Variants in ZBED1 observed in about 807,000 individuals in gnomAD.
ZBED1 encodes the protein E3 SUMO-protein ligase ZBED1.
A neutral mutation model predicts 49.7 loss-of-function variants in ZBED1; 19 were observed. That is an observed-to-expected ratio of 0.38 (90% CI 0.27 to 0.56). The LOEUF (loss-of-function observed/expected upper bound fraction) is 0.56, where lower values mean the gene tolerates loss of function less well. Ranked by LOEUF, ZBED1 falls within the 20% of genes least tolerant of loss-of-function variation. The pLI, the probability that ZBED1 is intolerant of heterozygous loss-of-function variation, is 0.70. For missense variants in ZBED1, 806 were observed against 972.6 expected (o/e 0.83, Z 2.28); for synonymous variants, 439 against 440.3 (o/e 1.00, Z 0.04).
At position 2,489,553 on chromosome X, in the gene ZBED1, G is replaced by A. The variant is rs1217591266; in HGVS notation, c.1167C>T (p.Ser389=). 1.2e-5 allele frequency: 19 copies of A among 1,612,614 alleles called. No individual in the cohort carries two copies. The highest frequency in any genetic ancestry group is 4.5e-5 in the East Asian group (2 of 44,870). The change falls in exon 2 of 2, where the codon AGC becomes AGT. Residue 389 remains serine (S), a synonymous_variant. Transcript: ENST00000652001. ...SNNHHLMLEA[S]EWATIEGLVE... ...CCAGCCCCTCGATGGTGGCCCACTC[G>A]CTGGCCTCCAGCATGAGGTGGTGGT... is the stretch of plus-strand genomic sequence containing the variant.
intron 1 of ZBED1, among the ~76,000 whole-genome samples, chrX:2,492,784 G>A (rs1349389202): frequency 6.6e-6 from 1 of 152,176 alleles, no homozygotes; most frequent in African/African-American, 2.4e-5. Context: ...CGGAGGGAGC[G>A]CAGCCCTGAG....
rs372806614 is a variant in ZBED1 at position 2,500,249 on chromosome X, G to A, written c.-54+568C>T. 408 of 157,036 alleles carry A rather than the reference G, an allele frequency of 2.6e-3. 1 individual carries two copies. The highest frequency in any genetic ancestry group is 8.5e-3 in the African/African-American group (354 of 41,880). The allele number at this position is 157,036 out of a possible 1,614,324, so 9.7% of individuals were successfully genotyped here. A position where few individuals can be genotyped will look rare whatever the true frequency, so the allele number is the denominator to read the frequency against. ...AGACCTCCGTGGCTCCCCAGTGCCC[G>A]AGAAGCCGCCTCTGGGCCCCCTCTG... On this transcript the variant is annotated intron_variant, in intron 1 of 1. Transcript: ENST00000652001.
intron 1 of ZBED1, 69 bp from the exon 2 acceptor site, chrX:2,490,841 A>T (rs2045118214): frequency 7.2e-7 from 1 of 1,390,876 alleles, no homozygotes; most frequent in African/African-American, 1.4e-5. Context: ...TGCCGGGGAG[A>T]CAGACAGGGT....
rs766625007 is a variant in ZBED1, at chrX:2,488,731, G to A, written c.1989C>T (p.Asp663=). The change falls in exon 2 of 2, where the codon GAC becomes GAT. Residue 663 remains aspartate, a synonymous_variant. Transcript: ENST00000652001. ...CCTGGTCCAGGCCCCACTCCCCCTC[G>A]TCCTGGTCCTCGGGTTCCGCCTCTG... ...SGAEAEPEDQ[D]EGEWGLDQEQ... is the part of the protein sequence containing the mutation. 2.8e-5 allele frequency: 45 copies of A among 1,613,850 alleles called. No individual in the cohort carries two copies. Among genetic ancestry groups the A allele is most frequent in the African/African-American group, 1.3e-4 (10 of 75,006 alleles).
rs996197135 is a variant in ZBED1, at chrX:2,486,570, G to C, written c.*2065C>G. On this transcript the variant is annotated 3_prime_UTR_variant, in exon 2 of 2. Transcript: ENST00000652001. ...ACAGTTCACATTTCCACGTGAGTGAGGAAAAGCGAAGGATTGTTAGAGACG... is the reference window on the plus strand; with the variant it reads ...ACAGTTCACATTTCCACGTGAGTGACGAAAAGCGAAGGATTGTTAGAGACG... 5.3e-5 allele frequency: 8 copies of C among 152,196 alleles called. No individual in the cohort carries two copies. Among genetic ancestry groups the C allele is most frequent in the African/African-American group, 1.7e-4 (7 of 41,442 alleles). 9.4% of individuals were successfully genotyped at this position (152,196 alleles called of 1,614,324 possible).
chrX:2,493,386 T>C (rs5983121), intron 1 of ZBED1, among the ~76,000 whole-genome samples: 25,076 of 151,922 alleles, frequency 0.17, 2,682 homozygotes, highest in East Asian at 0.5. Context: ...AGGTTTACAT[T>C]CCATTATTAT....
At chrX:2,500,484 C>A (rs1248055907) in intron 1 of ZBED1, 1 of 156,382 alleles carries the variant, frequency 6.4e-6, no homozygotes. Context: ...TGTCAGGGTG[C>A]GCGGGGGGGC....
rs141003567 is a variant in ZBED1 at position 2,489,671 on chromosome X, C to T, written c.1049G>A (p.Arg350His). 2.5e-5 allele frequency: 40 copies of T among 1,612,300 alleles called. No individual in the cohort carries two copies. Among genetic ancestry groups the T allele is most frequent in the Non-Finnish European group, 3.3e-5 (39 of 1,179,756 alleles). Residue 350 changes from arginine to histidine, a missense_variant, in exon 2 of 2, where the codon CGC becomes CAC. Physicochemically the swap from Arg to His is conservative, Grantham distance 29. Coordinates refer to ENST00000652001, the MANE Select transcript of ZBED1 (RefSeq NM_001171136.2). ...CAGCGTGCTCCCCCACCAGGAGACG[C>T]GGTTGCTCACCAGCATGCAGTGGGC... ...NVAHCMLVSN[R>H]VSWWGSTLAM...
chrX:2,498,698 T>C (rs1249662653), intron 1 of ZBED1, among the ~76,000 whole-genome samples: 4 of 152,048 alleles, frequency 2.6e-5, no homozygotes, highest in African/African-American at 9.7e-5. Context: ...GGCCAGCATT[T>C]TGGTGAGCTG....
At chrX:2,492,910 C>T (rs984371760) in intron 1 of ZBED1, among the ~76,000 whole-genome samples, 5 of 152,228 alleles carry the variant, frequency 3.3e-5, no homozygotes, top group African/African-American at 9.6e-5. Context: ...TAATTTTGCC[C>T]GAAATAATGA....
chrX:2,500,591 A>C, intron 1 of ZBED1: 3 of 187,552 alleles, frequency 1.6e-5, no homozygotes, highest in Non-Finnish European at 2.1e-5. Context: ...GGGCCGGGCC[A>C]GGCGCGCAGA....
At position 2,489,351 on chromosome X, in the gene ZBED1, T is replaced by C. The variant is rs1479642884; in HGVS notation, c.1369A>G (p.Lys457Glu). The C allele has an allele frequency of 1.2e-6, 2 of 1,613,124 alleles. No homozygotes were observed. Among genetic ancestry groups the C allele is most frequent in the African/African-American group, 1.3e-5 (1 of 74,638 alleles). ...ATCTCGGGCGTCTCCTGGTAGGTCT[T>C]GGAAAGCTCCTTGGCGATGACCTCC... is the stretch of plus-strand genomic sequence containing the variant. ...AKEVIAKELS[K>E]TYQETPEIDM... Residue 457 changes from lysine to glutamate, a missense_variant, in exon 2 of 2, where the codon AAG becomes GAG. Lys to Glu is a moderately conservative substitution (Grantham distance 56). Coordinates refer to ENST00000652001, the MANE Select transcript of ZBED1 (RefSeq NM_001171136.2).
At position 2,493,871 on chromosome X, in the gene ZBED1, C is replaced by G. The variant is rs181574599; in HGVS notation, c.-53-3099G>C. 3.1e-3 allele frequency among the ~76,000 whole-genome samples: 474 copies of G among 152,164 alleles called. 1 individual carries two copies. Among genetic ancestry groups the G allele is most frequent in the Non-Finnish European group, 5.3e-3 (362 of 68,030 alleles). On this transcript the variant is annotated intron_variant, in intron 1 of 1. Coordinates refer to ENST00000652001, the MANE Select transcript of ZBED1 (RefSeq NM_001171136.2). ...CCTGTAGTCCCAGCTACTCGGGAGGCTGAGGCACGAGAATCGTTTGAACCC... is the reference window on the plus strand; with the variant it reads ...CCTGTAGTCCCAGCTACTCGGGAGGGTGAGGCACGAGAATCGTTTGAACCC...
At chrX:2,495,901 G>A (rs979051821) in intron 1 of ZBED1, among the ~76,000 whole-genome samples, 2 of 152,070 alleles carry the variant, frequency 1.3e-5, no homozygotes, top group South Asian at 2.1e-4. Context: ...ACGACACGTC[G>A]CAAGAGACCA....
At position 2,500,960 on chromosome X, in the gene ZBED1, C is replaced by G. The variant is rs2045414677; in HGVS notation, c.-197G>C. 2 of 1,003,466 alleles carry G rather than the reference C, an allele frequency of 2.0e-6. No homozygotes were observed. Among genetic ancestry groups the G allele is most frequent in the Non-Finnish European group, 2.4e-6 (2 of 838,124 alleles). The allele number at this position is 1,003,466 out of a possible 1,614,324, so 62.2% of individuals were successfully genotyped here. A position where few individuals can be genotyped will look rare whatever the true frequency, so the allele number is the denominator to read the frequency against. ...GGCCGCGCCGCCGCCGCTTCCGCGCCGCCCGCGGGACTCTGCGCCCGCCCG... is the reference window on the plus strand; with the variant it reads ...GGCCGCGCCGCCGCCGCTTCCGCGCGGCCCGCGGGACTCTGCGCCCGCCCG... On this transcript the variant is annotated 5_prime_UTR_variant, in exon 1 of 2. Transcript: ENST00000652001.
chrX:2,493,245 A>G (rs2045202218), intron 1 of ZBED1, among the ~76,000 whole-genome samples: 1 of 152,110 alleles, frequency 6.6e-6, no homozygotes, highest in African/African-American at 2.4e-5. Flanking sequence ...CAGTCAACGG[A>G]GGGGGAAAAG....
intron 1 of ZBED1, among the ~76,000 whole-genome samples, chrX:2,493,949 G>A (rs1175774547): frequency 2.0e-5 from 3 of 151,674 alleles, no homozygotes; most frequent in Admixed American, 6.6e-5. Context: ...TGTAGCCTGG[G>A]CAACAAGCGC....
chrX:2,492,931 T>C (rs1328708092), intron 1 of ZBED1, among the ~76,000 whole-genome samples: 1 of 152,194 alleles, frequency 6.6e-6, no homozygotes, highest in Non-Finnish European at 1.5e-5. Context: ...GTGGAGGTCT[T>C]AGAAAGGCCC....
At chrX:2,499,840 T>G (rs1213172324) in intron 1 of ZBED1, among the ~76,000 whole-genome samples, 2 of 152,020 alleles carry the variant, frequency 1.3e-5, no homozygotes, top group African/African-American at 4.8e-5. Context: ...AGCCCAGGAG[T>G]TCGAGACCAG....
Sources: allele counts gnomAD v4.1 joint callset (sites outside exome capture counted in the v4.1 genomes callset), GRCh38; gene constraint gnomAD v4.1.1; transcripts MANE v1.5; gene names NCBI Gene and HGNC (gene_info 2026-07-23, HGNC 2026-07-21).